SEC16A: variants seen among roughly 807,000 people sequenced by gnomAD.
SEC16A encodes the protein protein transport protein Sec16A.
A neutral mutation model predicts 221.9 loss-of-function variants in SEC16A; 110 were observed. The ratio of observed to expected loss-of-function variants is 0.50; its 90% CI spans 0.42 to 0.58. The LOEUF (loss-of-function observed/expected upper bound fraction) is 0.58. Ranked by LOEUF, SEC16A falls within the 20% of genes least tolerant of loss-of-function variation. The probability of loss-of-function intolerance (pLI) is 0.00; values close to 1 mark genes in which losing one functional copy is unlikely to be tolerated. For missense variants in SEC16A, 3,165 were observed against 3,097.8 expected (o/e 1.02, Z -0.52); for synonymous variants, 1,393 against 1,257.7 (o/e 1.11, Z -2.28).
At position 136,441,476 on chromosome 9, in the gene SEC16A, A is replaced by C. The variant is rs1836177336; in HGVS notation, c.*279T>G. The stretch of plus-strand genomic sequence containing the variant: ...AATGACCAGGAATACTATATCCTTA[A>C]ATCATCCTAAATGACTAAGAAAGTC... On this transcript the variant is annotated 3_prime_UTR_variant, in exon 32 of 32. Coordinates refer to ENST00000684901, the MANE Select transcript of SEC16A (RefSeq NM_014866.2). 6.0e-6 allele frequency: 3 copies of C among 501,884 alleles called. No individual in the cohort carries two copies. The highest frequency in any genetic ancestry group is 5.3e-4 in the Middle Eastern group (1 of 1,870). The allele number at this position is 501,884 out of a possible 1,614,324, so 31.1% of individuals were successfully genotyped here.
Position 136,475,783 on chromosome 9 carries a change from G to C in SEC16A, c.1833C>G (p.Phe611Leu). 6.3e-7 allele frequency: 1 copy of C among 1,593,774 alleles called. No individual in the cohort carries two copies. Among genetic ancestry groups the C allele is most frequent in the Non-Finnish European group, 8.5e-7 (1 of 1,169,804 alleles). ...GIFQTSANSS[F>L]EPVKSHLVGV... Reference sequence around the variant, plus strand: ...CAACTAAGTGAGATTTTACCGGTTCGAAAGAACTATTTGCACTTGTCTGAA... The same window carrying C: ...CAACTAAGTGAGATTTTACCGGTTCCAAAGAACTATTTGCACTTGTCTGAA... The change falls in exon 3 of 32, where the codon TTC becomes TTG. Residue 611 changes from phenylalanine to leucine, a missense_variant. Transcript: ENST00000684901. This position sits in a 1 kb window ranked among gnomAD's most constrained non-coding sequence, Gnocchi z 5.0.
At position 136,465,732 on chromosome 9, in the gene SEC16A, C is replaced by T. The variant is rs1038287866; in HGVS notation, c.4303+230G>A. Among the ~76,000 whole-genome samples, 14 of 152,304 alleles carry T rather than the reference C, an allele frequency of 9.2e-5. No homozygotes were observed. In the East Asian group the frequency reaches 1.5e-3, roughly 17 times the overall value. On this transcript the variant is annotated intron_variant, in intron 8 of 31. Coordinates refer to ENST00000684901, the MANE Select transcript of SEC16A (RefSeq NM_014866.2). ...CTGTCCTCAGAGTCACACTTTAAAA[C>T]GCATGTCGGGGCAGGCAGGGCAGCT...
chr9:136,477,515 C>G lies in SEC16A; in HGVS notation c.101G>C (p.Arg34Pro). The change falls in exon 3 of 32, where the codon CGG becomes CCG. Residue 34 changes from arginine to proline, a missense_variant. Coordinates refer to ENST00000684901, the MANE Select transcript of SEC16A (RefSeq NM_014866.2). Reference protein sequence around the residue: ...VFWASSPYRRRANNNAAVAPT... With the variant: ...VFWASSPYRRPANNNAAVAPT... ...AGCCACTGCTGCATTATTATTAGCC[C>G]GTCTCCTGTAAGGGCTGCTAGCCCA... is the stretch of plus-strand genomic sequence containing the variant. 1.9e-6 allele frequency: 3 copies of G among 1,613,832 alleles called. No individual in the cohort carries two copies. Among genetic ancestry groups the G allele is most frequent in the South Asian group, 1.1e-5 (1 of 91,070 alleles).
intron 8 of SEC16A, 81 bp from the exon 9 acceptor site, chr9:136,464,643 A>G (rs1839920374): frequency 8.0e-7 from 1 of 1,246,694 alleles, no homozygotes; most frequent in Non-Finnish European, 1.1e-6. Context: ...GTGCTCACAC[A>G]GCTTAAATCA....
Position 136,474,575 on chromosome 9 carries a change from G to C in SEC16A, c.3041C>G (p.Ser1014Cys). 1.9e-6 allele frequency: 3 copies of C among 1,612,902 alleles called. No individual in the cohort carries two copies. Among genetic ancestry groups the C allele is most frequent in the Non-Finnish European group, 2.5e-6 (3 of 1,179,828 alleles). The change falls in exon 3 of 32, where the codon TCT (serine) becomes TGT (cysteine). Residue 1014 changes from serine (S) to cysteine (C), a missense_variant. Around this residue, in one of 3 missense-constraint regions of SEC16A, gnomAD observed 2,030 missense variants for 1,923.1 expected, o/e 1.06. Transcript: ENST00000684901. ...NPVNVYNPSH[S>C]DSLASQQSVA... ...ACTTTGCTGAGAAGCGAGGCTGTCA[G>C]AATGGGACGGGTTGTACACGTTTAC...
Position 136,441,627 on chromosome 9 carries a change from T to C in SEC16A, c.*128A>G, listed in dbSNP as rs2131658126. The C allele has an allele frequency of 2.8e-6, 2 of 717,984 alleles. No individual in the cohort carries two copies. The highest frequency in any genetic ancestry group is 1.6e-5 in the South Asian group (1 of 64,210). 44.5% of individuals were successfully genotyped at this position (717,984 alleles called of 1,614,324 possible). A position where few individuals can be genotyped will look rare whatever the true frequency, so the allele number is the denominator to read the frequency against. Reference sequence around the variant, plus strand: ...ATGGGCGGTGAGGAGGGAGGCACAGTGTGCGACCAGCTCTGAGTCACTGCT... The same window carrying C: ...ATGGGCGGTGAGGAGGGAGGCACAGCGTGCGACCAGCTCTGAGTCACTGCT... On this transcript the variant is annotated 3_prime_UTR_variant, in exon 32 of 32. Coordinates refer to ENST00000684901, the MANE Select transcript of SEC16A (RefSeq NM_014866.2).
chr9:136,478,632 TCGAGACCAGC>T (rs1442924016), intron 2 of SEC16A, among the ~76,000 whole-genome samples, 67 bp downstream of exon 2: 15 of 151,438 alleles, frequency 9.9e-5, no homozygotes, highest in African/African-American at 3.4e-4. Flanking sequence ...GCCCAGGAGG[TCGAGACCAGC>T]CTGGGCAACA....
rs779304724 is a variant in SEC16A, at chr9:136,459,572, C to T, written c.5192-17G>A. The T allele has an allele frequency of 2.6e-5, 40 of 1,557,354 alleles. No homozygotes were observed. The highest frequency in any genetic ancestry group is 6.8e-5 in the African/African-American group (5 of 73,528). Reference sequence around the variant, plus strand: ...CCCTTGAAGCTGCGGAGAGACGACACGACACACGGCGGGGGCTCAGCGACC... The same window carrying T: ...CCCTTGAAGCTGCGGAGAGACGACATGACACACGGCGGGGGCTCAGCGACC... On this transcript the variant is annotated splice_polypyrimidine_tract_variant and intron_variant, in intron 15 of 31. Transcript: ENST00000684901. The surrounding 1 kb of genome is among the most constrained non-coding windows in gnomAD (Gnocchi z 6.1).
intron 22 of SEC16A, 121 bp downstream of exon 22, chr9:136,453,305 AAC>A: frequency 1.4e-6 from 1 of 690,312 alleles, no homozygotes; most frequent in Non-Finnish European, 2.5e-6. Context: ...CACTTTAAGA[AAC>A]AATTTTAGAA....
chr9:136,454,057 C>T, intron 21 of SEC16A, 52 bp downstream of exon 21: 1 of 1,465,856 alleles, frequency 6.8e-7, no homozygotes, highest in Non-Finnish European at 9.3e-7. Flanking sequence ...TCCCCACAAA[C>T]ACCACACCCC....
intron 29 of SEC16A, 69 bp from the exon 30 acceptor site, chr9:136,445,180 G>A: frequency 1.5e-6 from 2 of 1,346,142 alleles, no homozygotes; most frequent in Non-Finnish European, 2.1e-6. Flanking sequence ...TCCAATCCAA[G>A]CTGTCAGTTC....
intron 23 of SEC16A, among the ~76,000 whole-genome samples, chr9:136,449,378 T>G (rs1837471936): frequency 6.6e-6 from 1 of 152,168 alleles, no homozygotes; most frequent in Admixed American, 6.5e-5. Context: ...ACCTCCTGAG[T>G]AGCTGGGATT....
Position 136,447,415 on chromosome 9 carries a change from G to T in SEC16A, c.6560-51C>A. The T allele has an allele frequency of 6.3e-7, 1 of 1,579,962 alleles. No individual in the cohort carries two copies. The highest frequency in any genetic ancestry group is 8.6e-7 in the Non-Finnish European group (1 of 1,163,046). On this transcript the variant is annotated intron_variant, in intron 26 of 31. Transcript: ENST00000684901. This position sits in a 1 kb window ranked among gnomAD's most constrained non-coding sequence, Gnocchi z 5.5. The stretch of plus-strand genomic sequence containing the variant: ...AGGTGAACGCGCCAGGTGGCCTCCA[G>T]CTTCCAAATGCTCTGCGCTCACTGC...
intron 17 of SEC16A, among the ~76,000 whole-genome samples, chr9:136,458,232 G>A (rs1029287856): frequency 2.0e-5 from 3 of 149,734 alleles, no homozygotes; most frequent in African/African-American, 7.4e-5. Context: ...GCCTCCTAAA[G>A]TGCTGGGATT....
chr9:136,462,114 T>C (rs1261987184), intron 12 of SEC16A, among the ~76,000 whole-genome samples: 2 of 151,712 alleles, frequency 1.3e-5, no homozygotes, highest in African/African-American at 4.8e-5. Context: ...TCAAAAAAAA[T>C]TAAAAATAAA....
At chr9:136,445,253 T>C in intron 29 of SEC16A, 142 bp from the exon 30 acceptor site, 2 of 738,462 alleles carry the variant, frequency 2.7e-6, no homozygotes, top group Admixed American at 2.4e-5. Context: ...AAAAAGCCAG[T>C]GTTAGCTTAA....
rs1839171193 is a variant in SEC16A, at chr9:136,459,441, T to A, written c.5303+3A>T. On this transcript the variant is annotated splice_donor_region_variant and intron_variant, in intron 16 of 31. Coordinates refer to ENST00000684901, the MANE Select transcript of SEC16A (RefSeq NM_014866.2). This position sits in a 1 kb window ranked among gnomAD's most constrained non-coding sequence, Gnocchi z 6.1. ...ACAGGACTACACTGACTTGGTTCTT[T>A]ACCTGTGATTGGATCCGATTAAGAC... 6.3e-7 allele frequency: 1 copy of A among 1,594,934 alleles called. No homozygotes were observed. The highest frequency in any genetic ancestry group is 1.8e-5 in the Admixed American group (1 of 56,970).
chr9:136,449,319 C>T (rs748713631), intron 23 of SEC16A, among the ~76,000 whole-genome samples: 1 of 152,234 alleles, frequency 6.6e-6, no homozygotes, highest in Non-Finnish European at 1.5e-5. Flanking sequence ...GGCGCGATCT[C>T]GGCGCACTGC....
chr9:136,482,893 T>A (rs1842591423), intron 1 of SEC16A, 45 bp downstream of exon 1: 1 of 838,580 alleles, frequency 1.2e-6, no homozygotes, highest in Admixed American at 6.2e-5. Context: ...GGCCTCCGCC[T>A]TCCTCCTCCC....
Sources: allele counts gnomAD v4.1 joint callset (sites outside exome capture counted in the v4.1 genomes callset), GRCh38; gene constraint gnomAD v4.1.1; regional missense constraint gnomAD v4.1.1; non-coding constraint Gnocchi (gnomAD v3.1); transcripts MANE v1.5; gene names NCBI Gene and HGNC (gene_info 2026-07-23, HGNC 2026-07-21).